AGTPBP1: variants seen among roughly 807,000 people sequenced by gnomAD.
AGTPBP1 encodes ATP/GTP binding carboxypeptidase 1.
AGTPBP1 carries 70 observed loss-of-function variants against 143.9 expected under a neutral mutation model. The observed-to-expected ratio is 0.49, with a 90% confidence interval of 0.40 to 0.59. AGTPBP1 has a LOEUF of 0.59. Ranked by LOEUF, AGTPBP1 falls within the 20% of genes least tolerant of loss-of-function variation. The pLI is 0.00. For missense variants in AGTPBP1, 1,229 were observed against 1,464.5 expected (o/e 0.84, Z 2.62); for synonymous variants, 463 against 500.2 (o/e 0.93, Z 0.99).
At chr9:85,740,579 A>T (rs1195445068) in intron 1 of AGTPBP1, among the ~76,000 whole-genome samples, 1 of 152,276 alleles carries the variant, frequency 6.6e-6, no homozygotes, top group Non-Finnish European at 1.5e-5. Flanking sequence ...AACTAAAAAC[A>T]TTCCACAATA....
chr9:85,631,764 G>A (rs905512602), intron 14 of AGTPBP1, among the ~76,000 whole-genome samples: 1 of 151,992 alleles, frequency 6.6e-6, no homozygotes, highest in African/African-American at 2.4e-5. Context: ...TGTAACAAGG[G>A]TATACAATTT....
At chr9:85,738,956 G>A (rs1162460906) in intron 1 of AGTPBP1, among the ~76,000 whole-genome samples, 1 of 151,752 alleles carries the variant, frequency 6.6e-6, no homozygotes, top group Non-Finnish European at 1.5e-5. Flanking sequence ...GCCAGGCACT[G>A]TGGGCTAAGC....
At chr9:85,650,042 C>CT (rs35903806) in intron 11 of AGTPBP1, among the ~76,000 whole-genome samples, 36,142 of 109,412 alleles carry the variant, frequency 0.33, 5,967 homozygotes, top group East Asian at 0.73. Context: ...CTAAACTTTC[C>CT]TTTTTTTTTT....
chr9:85,775,315 A>G, the AGTPBP1 span, among the ~76,000 whole-genome samples: 7 of 151,452 alleles, frequency 4.6e-5, no homozygotes, highest in Admixed American at 4.6e-4. Context: ...AAAAAAAAAA[A>G]GTAAGAAAGT....
rs369030587 is a variant in AGTPBP1 at position 85,698,839 on chromosome 9, C to A, written c.33-6026G>T. Among the ~76,000 whole-genome samples, 8 of 151,808 alleles carry A rather than the reference C, an allele frequency of 5.3e-5. No individual in the cohort carries two copies. In the East Asian group the frequency reaches 9.7e-4, roughly 18 times the overall value. On this transcript the variant is annotated intron_variant, in intron 2 of 25. Transcript: ENST00000357081. Reference sequence around the variant, plus strand: ...TCCCGAGTAGCTGGGACTACAGGCGCCTGCAACCACGCCCAGCTCATTTTT... The same window carrying A: ...TCCCGAGTAGCTGGGACTACAGGCGACTGCAACCACGCCCAGCTCATTTTT...
the AGTPBP1 span, among the ~76,000 whole-genome samples, chr9:85,760,062 A>T: frequency 1.3e-5 from 2 of 152,172 alleles, no homozygotes; most frequent in Non-Finnish European, 2.9e-5. Flanking sequence ...TCCCAAGACT[A>T]AACCAGGAGG....
chr9:85,574,438 C>T (rs1004876728), intron 25 of AGTPBP1, among the ~76,000 whole-genome samples: 12 of 149,392 alleles, frequency 8.0e-5, no homozygotes, highest in Admixed American at 2.0e-4. Context: ...CCAAATCCCC[C>T]CTGCGAGAAA....
Position 85,657,633 on chromosome 9 carries a change from G to A in AGTPBP1, c.711C>T (p.Ala237=). The A allele has an allele frequency of 1.3e-6, 2 of 1,597,514 alleles. No homozygotes were observed. The highest frequency in any genetic ancestry group is 2.2e-5 in the East Asian group (1 of 44,558). Residue 237 remains alanine, a synonymous_variant, in exon 10 of 26, where the codon GCC becomes GCT. Transcript: ENST00000357081. Reference sequence around the variant, plus strand: ...CATATCCTCTGTCTACAGCTCTCCTGGCATTTGTTTCTTTAACAAAAGAAG... The same window carrying A: ...CATATCCTCTGTCTACAGCTCTCCTAGCATTTGTTTCTTTAACAAAAGAAG... The part of the protein sequence containing the change: ...LAALLKSKTN[A]RRAVDRGYVQ...
the AGTPBP1 span, among the ~76,000 whole-genome samples, chr9:85,759,687 C>T: frequency 3.9e-5 from 6 of 152,162 alleles, no homozygotes; most frequent in Non-Finnish European, 7.3e-5. Flanking sequence ...CTAAAATTAA[C>T]AGCCTAACAT....
At chr9:85,666,327 T>C (rs1437398061) in intron 8 of AGTPBP1, among the ~76,000 whole-genome samples, 1 of 152,082 alleles carries the variant, frequency 6.6e-6, no homozygotes, top group Non-Finnish European at 1.5e-5. Context: ...AGAGGAAGCA[T>C]AACCCTCCAA....
chr9:85,672,468 G>T, intron 7 of AGTPBP1, 82 bp downstream of exon 7: 1 of 1,436,210 alleles, frequency 7.0e-7, no homozygotes, highest in African/African-American at 1.4e-5. Flanking sequence ...AATATCAGAG[G>T]TTTACAGAAT....
intron 1 of AGTPBP1, among the ~76,000 whole-genome samples, chr9:85,737,256 T>C (rs541356678): frequency 6.6e-6 from 1 of 152,322 alleles, no homozygotes. Context: ...ATTACAATAG[T>C]TGATGGCTGT....
At chr9:85,702,564 G>GT (rs563827349) in intron 2 of AGTPBP1, among the ~76,000 whole-genome samples, 2,424 of 138,406 alleles carry the variant, frequency 0.018, 24 homozygotes, top group Middle Eastern at 0.041. Flanking sequence ...TACATCATCA[G>GT]TTTTTTTTTT....
chr9:85,760,353 C>T, the AGTPBP1 span, among the ~76,000 whole-genome samples: 2 of 151,954 alleles, frequency 1.3e-5, no homozygotes, highest in Non-Finnish European at 2.9e-5. Context: ...TGATGAACAT[C>T]GATGCAAAAA....
chr9:85,589,501 T>C (rs1258825861), intron 20 of AGTPBP1, 27 bp downstream of exon 20: 2 of 1,586,498 alleles, frequency 1.3e-6, no homozygotes, highest in Admixed American at 3.7e-5. Flanking sequence ...GAATGACTGC[T>C]ATTGTGAGTT....
the AGTPBP1 span, among the ~76,000 whole-genome samples, chr9:85,803,071 C>G: frequency 1.3e-5 from 2 of 152,260 alleles, no homozygotes. Flanking sequence ...AAAATAGAAG[C>G]AACTGGAAGA....
chr9:85,669,609 T>G (rs1564125820), intron 7 of AGTPBP1, 31 bp from the exon 8 acceptor site: 4 of 1,528,266 alleles, frequency 2.6e-6, no homozygotes, highest in Non-Finnish European at 3.6e-6. Context: ...TGCAAAATTA[T>G]TTTAAGGTTT....
intron 11 of AGTPBP1, among the ~76,000 whole-genome samples, chr9:85,650,172 C>A (rs1272159201): frequency 6.7e-6 from 1 of 149,184 alleles, no homozygotes; most frequent in African/African-American, 2.5e-5. Context: ...ATTGCATATT[C>A]AATTTCAAAT....
At chr9:85,703,065 T>G in intron 2 of AGTPBP1, among the ~76,000 whole-genome samples, 1 of 152,230 alleles carries the variant, frequency 6.6e-6, no homozygotes, top group East Asian at 1.9e-4. Context: ...CTGGTCCCTA[T>G]GTGTACTTAT....
Sources: allele counts gnomAD v4.1 joint callset (sites outside exome capture counted in the v4.1 genomes callset), GRCh38; gene constraint gnomAD v4.1.1; transcripts MANE v1.5; gene names NCBI Gene and HGNC (gene_info 2026-07-23, HGNC 2026-07-21).